Variants in PARD3B observed in about 807,000 individuals in gnomAD.
PARD3B encodes the protein partitioning defective 3 homolog B.
PARD3B carries 103 observed loss-of-function variants against 130.2 expected under a neutral mutation model. The observed-to-expected ratio is 0.79, with a 90% confidence interval of 0.67 to 0.93. The LOEUF is 0.93. PARD3B is among the 40% of genes least tolerant of loss of function. PARD3B has a pLI of 0.00. For missense variants in PARD3B, 1,609 were observed against 1,499.2 expected (o/e 1.07, Z -1.21); for synonymous variants, 583 against 553.2 (o/e 1.05, Z -0.76).
rs1701191852 is a variant in PARD3B, at chr2:205,078,200, T to C, written c.505-26226T>C. Among the ~76,000 whole-genome samples the C allele has an allele frequency of 6.6e-6, 1 of 152,208 alleles. No homozygotes were observed. Among genetic ancestry groups the C allele is most frequent in the African/African-American group, 2.4e-5 (1 of 41,458 alleles). On this transcript the variant is annotated intron_variant, in intron 4 of 22. Coordinates refer to ENST00000406610, the MANE Select transcript of PARD3B (RefSeq NM_001302769.2). This position sits in a 1 kb window ranked among gnomAD's most constrained non-coding sequence, Gnocchi z 4.0. Reference sequence around the variant, plus strand: ...GGTTAAATGTTTAACCTGAGCTAATTAGGAGCCTTGAGAATTTTAGTTAGC... The same window carrying C: ...GGTTAAATGTTTAACCTGAGCTAATCAGGAGCCTTGAGAATTTTAGTTAGC...
intron 2 of PARD3B, among the ~76,000 whole-genome samples, chr2:204,928,104 C>T (rs113011571): frequency 2.0e-5 from 3 of 152,220 alleles, no homozygotes; most frequent in South Asian, 4.1e-4. Flanking sequence ...GTCAATTAGG[C>T]AGCTCTGCTG....
chr2:205,004,261 T>C (rs367558462), intron 3 of PARD3B, among the ~76,000 whole-genome samples: 7 of 152,332 alleles, frequency 4.6e-5, no homozygotes, highest in South Asian at 4.1e-4. Context: ...CAGTGCATTG[T>C]CAGTGCAGAT....
chr2:204,905,292 A>G (rs924021738), intron 2 of PARD3B, among the ~76,000 whole-genome samples: 2 of 152,190 alleles, frequency 1.3e-5, no homozygotes, highest in African/African-American at 4.8e-5. Flanking sequence ...ACTGTGTAGC[A>G]GAATGGACCA....
intron 3 of PARD3B, among the ~76,000 whole-genome samples, chr2:204,982,446 C>G (rs1199486025): frequency 2.6e-5 from 4 of 152,262 alleles, no homozygotes; most frequent in Non-Finnish European, 5.9e-5. Flanking sequence ...CCAGATCCTC[C>G]CCAAGTTAAG....
intron 20 of PARD3B, among the ~76,000 whole-genome samples, chr2:205,493,949 T>G (rs570414786): frequency 2.5e-4 from 38 of 151,848 alleles, no homozygotes; most frequent in Middle Eastern, 3.4e-3. Flanking sequence ...TTAGTAGAGA[T>G]GGGGTTTCAC....
intron 16 of PARD3B, among the ~76,000 whole-genome samples, chr2:205,299,177 A>G (rs1462563275): frequency 6.6e-6 from 1 of 152,194 alleles, no homozygotes; most frequent in Non-Finnish European, 1.5e-5. Context: ...ATAGGTATAT[A>G]TATACATCAG....
At chr2:205,144,851 G>A (rs1182738392) in intron 10 of PARD3B, among the ~76,000 whole-genome samples, 2 of 152,170 alleles carry the variant, frequency 1.3e-5, no homozygotes, top group Non-Finnish European at 2.9e-5. Context: ...TGAGAGAAAA[G>A]GATGGGGTAA....
At chr2:204,607,674 T>C (rs917478748) in intron 1 of PARD3B, among the ~76,000 whole-genome samples, 2 of 152,088 alleles carry the variant, frequency 1.3e-5, no homozygotes, top group Non-Finnish European at 2.9e-5. Flanking sequence ...ATCAAGGAAA[T>C]GAAGGATATG....
At position 205,091,157 on chromosome 2, in the gene PARD3B, A is replaced by G. The variant is rs912088036; in HGVS notation, c.505-13269A>G. Among the ~76,000 whole-genome samples, 2 of 152,216 alleles carry G rather than the reference A, an allele frequency of 1.3e-5. No homozygotes were observed. The highest frequency in any genetic ancestry group is 4.8e-5 in the African/African-American group (2 of 41,464). On this transcript the variant is annotated intron_variant, in intron 4 of 22. Coordinates refer to ENST00000406610, the MANE Select transcript of PARD3B (RefSeq NM_001302769.2). The surrounding 1 kb of genome is among the most constrained non-coding windows in gnomAD (Gnocchi z 4.2). ...GGTTAGCGGAAGAGATTTAAGCATT[A>G]GAGGCTGAAGTTTTTCAACCCCAAA...
intron 3 of PARD3B, among the ~76,000 whole-genome samples, chr2:205,000,287 G>A (rs1391942653): frequency 6.6e-6 from 1 of 152,236 alleles, no homozygotes; most frequent in South Asian, 2.1e-4. Flanking sequence ...TTTTCAGTGT[G>A]GCCACGGCCT....
At chr2:205,566,406 A>G (rs2053334581) in intron 22 of PARD3B, among the ~76,000 whole-genome samples, 1 of 152,154 alleles carries the variant, frequency 6.6e-6, no homozygotes, top group Admixed American at 6.5e-5. Context: ...AGAATCGGAG[A>G]GAAGTGGGAG....
intron 21 of PARD3B, among the ~76,000 whole-genome samples, chr2:205,511,143 TCC>T (rs2050573773): frequency 3.9e-4 from 1 of 2,540 alleles, no homozygotes; most frequent in Non-Finnish European, 6.4e-3. Context: ...GAATTATCAC[TCC>T]TCTTAATTTG....
chr2:205,136,164 A>G (rs918197600), intron 10 of PARD3B, among the ~76,000 whole-genome samples: 2 of 152,086 alleles, frequency 1.3e-5, no homozygotes, highest in Non-Finnish European at 1.5e-5. Context: ...CACACACCAA[A>G]AAAAGGATTG....
intron 18 of PARD3B, chr2:205,302,042 A>G (rs1321343251): frequency 3.3e-6 from 1 of 306,640 alleles, no homozygotes; most frequent in Non-Finnish European, 5.6e-6. Context: ...GGGAGACCCT[A>G]TTCTTTTTTT....
intron 20 of PARD3B, among the ~76,000 whole-genome samples, chr2:205,462,670 G>T (rs60161319): frequency 0.037 from 5,565 of 152,268 alleles, 351 homozygotes; most frequent in African/African-American, 0.13. Flanking sequence ...GATTTTCGTT[G>T]TGATTTTTTA....
chr2:205,304,359 G>A (rs939704387), intron 18 of PARD3B, among the ~76,000 whole-genome samples: 1 of 152,138 alleles, frequency 6.6e-6, no homozygotes, highest in African/African-American at 2.4e-5. Context: ...ATTTTGGCCA[G>A]GCATAGTGGC....
chr2:205,307,014 T>C (rs1484455739), intron 18 of PARD3B, among the ~76,000 whole-genome samples: 1 of 152,230 alleles, frequency 6.6e-6, no homozygotes, highest in Non-Finnish European at 1.5e-5. Context: ...AGATAGGGTA[T>C]TGGGATGGGT....
At chr2:204,794,614 A>C (rs1295971454) in intron 2 of PARD3B, among the ~76,000 whole-genome samples, 2 of 152,248 alleles carry the variant, frequency 1.3e-5, no homozygotes, top group Non-Finnish European at 2.9e-5. Context: ...CCTTGAGCAC[A>C]GATAACAGTA....
chr2:204,723,193 G>A (rs1019001563), intron 2 of PARD3B, among the ~76,000 whole-genome samples: 3 of 152,096 alleles, frequency 2.0e-5, no homozygotes, highest in African/African-American at 7.2e-5. Flanking sequence ...TTTTAACAAA[G>A]TATAAGTAGA....
Sources: allele counts gnomAD v4.1 joint callset (sites outside exome capture counted in the v4.1 genomes callset), GRCh38; gene constraint gnomAD v4.1.1; non-coding constraint Gnocchi (gnomAD v3.1); transcripts MANE v1.5; gene names NCBI Gene and HGNC (gene_info 2026-07-23, HGNC 2026-07-21).